MACC1: variants seen among roughly 807,000 people sequenced by gnomAD.
MACC1 encodes the protein metastasis-associated in colon cancer protein 1.
In MACC1, 79 loss-of-function variants were observed where a neutral mutation model predicts 70.7. The observed-to-expected ratio is 1.12, with a 90% CI of 0.93 to 1.35. MACC1 has a LOEUF of 1.35. MACC1 is among the 40% of genes most tolerant of loss of function. MACC1 has a pLI of 0.00. For missense variants in MACC1, 1,106 were observed against 978.1 expected (o/e 1.13, Z -1.74); for synonymous variants, 361 against 347.2 (o/e 1.04, Z -0.44).
At chr7:20,212,245 G>A (rs1783009805) in intron 1 of MACC1, among the ~76,000 whole-genome samples, 1 of 152,128 alleles carries the variant, frequency 6.6e-6, no homozygotes, top group African/African-American at 2.4e-5. Context: ...CATATTACAT[G>A]TATTGGGGAA....
intron 6 of MACC1, among the ~76,000 whole-genome samples, chr7:20,152,816 T>C (rs1366953138): frequency 6.6e-6 from 1 of 152,186 alleles, no homozygotes; most frequent in Non-Finnish European, 1.5e-5. Context: ...TAAATAACTC[T>C]GATAAATAAC....
intron 1 of MACC1, among the ~76,000 whole-genome samples, chr7:20,213,244 C>T (rs910369448): frequency 7.2e-5 from 11 of 152,218 alleles, no homozygotes; most frequent in African/African-American, 7.2e-5. Flanking sequence ...AACACCAGTC[C>T]GAATGGCTGT....
At chr7:20,182,471 G>A (rs1467334988) in intron 1 of MACC1, among the ~76,000 whole-genome samples, 1 of 152,002 alleles carries the variant, frequency 6.6e-6, no homozygotes, top group Admixed American at 6.6e-5. Context: ...ATTCCTATTT[G>A]CTGTTCTTAG....
At chr7:20,188,775 T>G (rs1489808460) in intron 1 of MACC1, among the ~76,000 whole-genome samples, 1 of 152,210 alleles carries the variant, frequency 6.6e-6, no homozygotes, top group Non-Finnish European at 1.5e-5. Context: ...CTCAACATGC[T>G]TGACCTGTCA....
At chr7:20,161,634 A>G in intron 4 of MACC1, 114 bp downstream of exon 4, 1 of 638,934 alleles carries the variant, frequency 1.6e-6, no homozygotes, top group Non-Finnish European at 2.7e-6. Context: ...TAAAAACAAG[A>G]TTTTATAATT....
chr7:20,179,430 G>A (rs142545700), intron 1 of MACC1, among the ~76,000 whole-genome samples: 38 of 152,176 alleles, frequency 2.5e-4, no homozygotes, highest in Middle Eastern at 3.4e-3. Flanking sequence ...TGTCTGTTTC[G>A]TTTCTCTCCT....
chr7:20,167,729 C>G (rs1231436878), intron 2 of MACC1, among the ~76,000 whole-genome samples: 1 of 151,910 alleles, frequency 6.6e-6, no homozygotes, highest in African/African-American at 2.4e-5. Context: ...AGTATCAAGC[C>G]ACAGTGTTGA....
intron 1 of MACC1, among the ~76,000 whole-genome samples, chr7:20,178,569 A>T (rs1247311044): frequency 6.6e-6 from 1 of 152,122 alleles, no homozygotes; most frequent in Non-Finnish European, 1.5e-5. Flanking sequence ...CTTTAGTTTC[A>T]CTATGGAGTA....
intron 1 of MACC1, among the ~76,000 whole-genome samples, chr7:20,209,034 G>A (rs1329598625): frequency 6.6e-6 from 1 of 152,226 alleles, no homozygotes; most frequent in Non-Finnish European, 1.5e-5. Context: ...AATTGAGGTT[G>A]GGGTACCTCT....
chr7:20,209,228 C>T (rs144413961), intron 1 of MACC1, among the ~76,000 whole-genome samples: 1 of 152,210 alleles, frequency 6.6e-6, no homozygotes, highest in South Asian at 2.1e-4. Flanking sequence ...GGCTACTGTC[C>T]TCCAGGACCA....
chr7:20,136,119 T>A lies in MACC1; in HGVS notation c.*4827A>T, dbSNP rs1583373110. 1 of 152,320 alleles carries A rather than the reference T, an allele frequency of 6.6e-6. No individual in the cohort carries two copies. Among genetic ancestry groups the A allele is most frequent in the Non-Finnish European group, 1.5e-5 (1 of 68,022 alleles). 9.4% of individuals were successfully genotyped at this position (152,320 alleles called of 1,614,324 possible). ...ACCCAAGGGGAACACTAGAGGTCAT[T>A]TGGTTCAAGTTCCTTGTTTTACTGG... is the stretch of plus-strand genomic sequence containing the variant. On this transcript the variant is annotated 3_prime_UTR_variant, in exon 7 of 7. Coordinates refer to ENST00000400331, the MANE Select transcript of MACC1 (RefSeq NM_182762.4).
At chr7:20,209,185 C>T (rs1782958129) in intron 1 of MACC1, among the ~76,000 whole-genome samples, 1 of 152,236 alleles carries the variant, frequency 6.6e-6, no homozygotes, top group Admixed American at 6.5e-5. Context: ...ATAGTCCGCT[C>T]TGGGGCACTG....
At chr7:20,191,333 G>A (rs1459916786) in intron 1 of MACC1, among the ~76,000 whole-genome samples, 1 of 152,214 alleles carries the variant, frequency 6.6e-6, no homozygotes, top group Non-Finnish European at 1.5e-5. Flanking sequence ...GGAGGTCCTG[G>A]AAACACAGGA....
intron 1 of MACC1, among the ~76,000 whole-genome samples, chr7:20,212,942 GT>G (rs768605417): frequency 1.1e-4 from 17 of 152,140 alleles, no homozygotes; most frequent in Non-Finnish European, 2.2e-4. Flanking sequence ...GTTCCACCTA[GT>G]AAAAAGAAAT....
chr7:20,143,581 G>A (rs1781840388), intron 6 of MACC1, among the ~76,000 whole-genome samples: 1 of 151,788 alleles, frequency 6.6e-6, no homozygotes, highest in South Asian at 2.1e-4. Flanking sequence ...AGTAGAGACA[G>A]GGTTTCACCA....
At chr7:20,184,967 A>T (rs2128106307) in intron 1 of MACC1, 1 of 152,296 alleles carries the variant, frequency 6.6e-6, no homozygotes, top group Non-Finnish European at 1.5e-5. Flanking sequence ...TAGAGACGAG[A>T]ATATTCTCAA....
rs1170070969 is a variant in MACC1, at chr7:20,137,202, G to A, written c.*3744C>T. ...GTTATAGCATTGTACAAATTTGAGT[G>A]TATGCATGTTCTCTTTTGCATGTTC... On this transcript the variant is annotated 3_prime_UTR_variant, in exon 7 of 7. Coordinates refer to ENST00000400331, the MANE Select transcript of MACC1 (RefSeq NM_182762.4). 3 of 152,074 alleles carry A rather than the reference G, an allele frequency of 2.0e-5. No individual in the cohort carries two copies. The highest frequency in any genetic ancestry group is 6.6e-5 in the Admixed American group (1 of 15,266). The allele number at this position is 152,074 out of a possible 1,614,324, so 9.4% of individuals were successfully genotyped here.
intron 1 of MACC1, among the ~76,000 whole-genome samples, chr7:20,193,971 G>C (rs1221623624): frequency 6.6e-6 from 1 of 152,164 alleles, no homozygotes; most frequent in Non-Finnish European, 1.5e-5. Flanking sequence ...TGCTAGAAAG[G>C]TAGAGCAGAA....
chr7:20,198,428 G>A (rs941774198), intron 1 of MACC1: 3 of 152,208 alleles, frequency 2.0e-5, no homozygotes, highest in Admixed American at 1.3e-4. Flanking sequence ...AACAGAACAG[G>A]ACTGCCAAAA....
Sources: gnomAD v4.1 joint callset for allele counts (sites outside exome capture counted in the v4.1 genomes callset) on GRCh38, gnomAD v4.1.1 for gene constraint, MANE v1.5 for transcripts, NCBI Gene and HGNC (gene_info 2026-07-23, HGNC 2026-07-21) for gene names.